Variants in SMC6 observed in about 807,000 individuals in gnomAD.
SMC6 encodes the protein structural maintenance of chromosomes 6.
Under a neutral mutation model 142.2 loss-of-function variants are expected in SMC6, and 79 were observed. That is an observed-to-expected ratio of 0.56 (90% CI 0.46 to 0.67). The LOEUF is 0.67. Among genes scored for constraint, SMC6 ranks in the 30% least tolerant of loss-of-function variants. SMC6 has a pLI of 0.00. For missense variants in SMC6, 1,072 were observed against 1,284.0 expected, an observed-to-expected ratio of 0.83 and a Z score of 2.52; for synonymous variants, 411 against 412.4, an observed-to-expected ratio of 1.00 and a Z score of 0.04.
intron 6 of SMC6, 35 bp downstream of exon 6, chr2:17,731,706 A>G: frequency 6.3e-7 from 1 of 1,590,314 alleles, no homozygotes; most frequent in African/African-American, 1.3e-5. Context: ...ATTTCCTAAT[A>G]TTTTATAAGA....
intron 11 of SMC6, among the ~76,000 whole-genome samples, chr2:17,720,160 G>A (rs895836741): frequency 6.6e-6 from 1 of 152,066 alleles, no homozygotes; most frequent in Admixed American, 6.6e-5. Flanking sequence ...ACTTTAAATG[G>A]GTGAATTATG....
chr2:17,731,699 T>C, intron 6 of SMC6, 42 bp downstream of exon 6: 2 of 1,579,342 alleles, frequency 1.3e-6, no homozygotes, highest in Non-Finnish European at 1.7e-6. Context: ...TTTGAGTATT[T>C]CCTAATATTT....
In SMC6 at chr2:17,665,443, T is replaced by A; in HGVS notation, c.*56A>T. On this transcript the variant is annotated 3_prime_UTR_variant, in exon 28 of 28. Transcript: ENST00000448223. ...TTTTATTATATCAAAGAGTCCAGAA[T>A]TTTTTTTCCCTTCACAAATCCTTCA... 1 of 1,199,928 alleles carries A rather than the reference T, an allele frequency of 8.3e-7. No individual in the cohort carries two copies. The highest frequency in any genetic ancestry group is 1.2e-6 in the Non-Finnish European group (1 of 853,354). 74.3% of individuals were successfully genotyped at this position (1,199,928 alleles called of 1,614,324 possible).
At chr2:17,667,507 T>A (rs565236212) in intron 26 of SMC6, among the ~76,000 whole-genome samples, 2 of 152,288 alleles carry the variant, frequency 1.3e-5, no homozygotes, top group East Asian at 3.9e-4. Context: ...TTCCTAAAAG[T>A]TGAAATCATT....
At chr2:17,753,339 G>GGGAGGGGACGGCCGCCTC in intron 1 of SMC6, among the ~76,000 whole-genome samples, 1 of 151,700 alleles carries the variant, frequency 6.6e-6, no homozygotes, top group African/African-American at 2.4e-5. Context: ...ACGGCCGCCT[G>GGGAGGGGACGGCCGCCTC]GGAGGGGACG....
At chr2:17,674,015 G>A (rs1245574793) in intron 25 of SMC6, among the ~76,000 whole-genome samples, 1 of 152,022 alleles carries the variant, frequency 6.6e-6, no homozygotes, top group Non-Finnish European at 1.5e-5. Context: ...TCCTCCTCAG[G>A]TGTCTATTGT....
intron 9 of SMC6, among the ~76,000 whole-genome samples, chr2:17,723,630 G>A (rs747941081): frequency 3.3e-5 from 5 of 152,116 alleles, no homozygotes; most frequent in Non-Finnish European, 7.4e-5. Flanking sequence ...GACACTGCCA[G>A]TACCCTATTA....
At chr2:17,727,151 T>C (rs891853831) in intron 7 of SMC6, among the ~76,000 whole-genome samples, 2 of 152,196 alleles carry the variant, frequency 1.3e-5, no homozygotes, top group African/African-American at 2.4e-5. Flanking sequence ...CTGATTGGAT[T>C]GAAGGATGCA....
At chr2:17,700,475 G>T in intron 20 of SMC6, 97 bp from the exon 21 acceptor site, 1 of 912,572 alleles carries the variant, frequency 1.1e-6, no homozygotes, top group Non-Finnish European at 1.6e-6. Flanking sequence ...AGAAACTATA[G>T]GCTATATGCA....
intron 23 of SMC6, among the ~76,000 whole-genome samples, chr2:17,686,122 G>A (rs1667443385): frequency 6.6e-6 from 1 of 152,106 alleles, no homozygotes; most frequent in African/African-American, 2.4e-5. Flanking sequence ...TATACACTTT[G>A]TTGGCAAAGT....
chr2:17,715,472 G>A (rs1047267891), intron 15 of SMC6, among the ~76,000 whole-genome samples: 3 of 150,970 alleles, frequency 2.0e-5, no homozygotes, highest in Admixed American at 2.0e-4. Context: ...CCTTTGAAAT[G>A]GATCCTGGTA....
rs138601158 is a variant in SMC6 at position 17,720,985 on chromosome 2, T to A, written c.900A>T (p.Gly300=). 1.2e-6 allele frequency: 2 copies of A among 1,613,766 alleles called. No homozygotes were observed. The highest frequency in any genetic ancestry group is 8.5e-7 in the Non-Finnish European group (1 of 1,179,910). Residue 300 remains glycine (G), a synonymous_variant, in exon 11 of 28, where the codon GGA becomes GGT. Transcript: ENST00000448223. ...TGTCAAGTCTAGCAGCACGATCTTC[T>A]CCAATTTTGATATTATCTCTGATGG... ...LNAIRDNIKI[G]EDRAARLDRK...
At chr2:17,711,327 A>G (rs372232522) in intron 16 of SMC6, among the ~76,000 whole-genome samples, 2 of 152,206 alleles carry the variant, frequency 1.3e-5, no homozygotes, top group African/African-American at 4.8e-5. Flanking sequence ...AGAAAGGAAT[A>G]TAAGTAATGA....
intron 27 of SMC6, among the ~76,000 whole-genome samples, chr2:17,666,070 T>G (rs1666482326): frequency 6.6e-6 from 1 of 152,180 alleles, no homozygotes. Context: ...AAGATTGACA[T>G]TTGTAAGTCA....
chr2:17,744,435 G>A (rs1670633617), intron 3 of SMC6, among the ~76,000 whole-genome samples: 1 of 152,110 alleles, frequency 6.6e-6, no homozygotes, highest in South Asian at 2.1e-4. Context: ...TTTGCTGAAT[G>A]TATTTATTCA....
Position 17,738,237 on chromosome 2 carries a change from C to A in SMC6, c.328G>T (p.Val110Leu). The change falls in exon 5 of 28, where the codon GTG becomes TTG. Residue 110 changes from valine (V) to leucine (L), a missense_variant. Physicochemically the swap from Val to Leu is conservative, Grantham distance 32. Transcript: ENST00000448223. ...TNRGSSLKGFVKDGQNSADIS... is the reference protein window; with the variant it reads ...TNRGSSLKGFLKDGQNSADIS... ...AACACTTACTTCTGTCCATCTTTCA[C>A]AAAACCTTTTAAAGAGGATCCTCTA... 1 of 1,612,614 alleles carries A rather than the reference C, an allele frequency of 6.2e-7. No homozygotes were observed. The highest frequency in any genetic ancestry group is 1.3e-5 in the African/African-American group (1 of 74,936).
chr2:17,664,799 T>G lies in SMC6; in HGVS notation c.*700A>C, dbSNP rs1572233913. 2 of 152,320 alleles carry G rather than the reference T, an allele frequency of 1.3e-5. No homozygotes were observed. The highest frequency in any genetic ancestry group is 1.3e-4 in the Admixed American group (2 of 15,286). The allele number at this position is 152,320 out of a possible 1,614,324, so 9.4% of individuals were successfully genotyped here. ...CTTCTCCCAGCCTGGTTCTGCACAGTCCCTCTAGCCTGTGTCCTCTCAGCT... is the reference window on the plus strand; with the variant it reads ...CTTCTCCCAGCCTGGTTCTGCACAGGCCCTCTAGCCTGTGTCCTCTCAGCT... On this transcript the variant is annotated 3_prime_UTR_variant, in exon 28 of 28. Coordinates refer to ENST00000448223, the MANE Select transcript of SMC6 (RefSeq NM_001142286.2).
Position 17,700,263 on chromosome 2 carries a change from T to C in SMC6, c.2339A>G (p.Tyr780Cys). The C allele has an allele frequency of 6.2e-7, 1 of 1,610,684 alleles. No individual in the cohort carries two copies. The highest frequency in any genetic ancestry group is 1.3e-5 in the African/African-American group (1 of 74,968). ...KSLKIEAENK[Y>C]DAIKFKINQL... ...ATTAATTTTGAATTTAATTGCATCA[T>C]ACTTATTTTCTGCTTCTATTTTCAG... The change falls in exon 21 of 28, where the codon TAT (tyrosine) becomes TGT (cysteine). Residue 780 changes from tyrosine to cysteine, a missense_variant. This residue lies in a region of SMC6 where 994 missense variants were observed against 1,153.2 expected (regional missense o/e 0.86). Transcript: ENST00000448223.
chr2:17,739,821 A>G, intron 4 of SMC6, among the ~76,000 whole-genome samples: 1 of 111,484 alleles, frequency 9.0e-6, no homozygotes, highest in South Asian at 2.7e-4. Flanking sequence ...TTTCTCTTTA[A>G]ACACACACAC....
Sources: allele counts gnomAD v4.1 joint callset (sites outside exome capture counted in the v4.1 genomes callset), GRCh38; gene constraint gnomAD v4.1.1; regional missense constraint gnomAD v4.1.1; transcripts MANE v1.5; gene names NCBI Gene and HGNC (gene_info 2026-07-23, HGNC 2026-07-21).